Variants in DUXA observed in about 807,000 individuals in gnomAD.
DUXA encodes the protein double homeobox A, also known as double homeobox protein A.
In DUXA, 25 loss-of-function variants were observed where a neutral mutation model predicts 27.5. The observed-to-expected ratio is 0.91, with a 90% CI of 0.66 to 1.27. The LOEUF (loss-of-function observed/expected upper bound fraction) is 1.27, where lower values mean the gene tolerates loss of function less well. Ranked by LOEUF, DUXA falls within the 50% of genes most tolerant of loss-of-function variation. The pLI is 0.00. For missense variants in DUXA, 247 were observed against 242.9 expected (o/e 1.02, Z -0.11); for synonymous variants, 90 against 80.5 (o/e 1.12, Z -0.63).
chr19:57,163,849 C>T (rs1248296263), intron 1 of DUXA, among the ~76,000 whole-genome samples: 3 of 152,152 alleles, frequency 2.0e-5, no homozygotes, highest in East Asian at 1.9e-4. Flanking sequence ...AAGTTTCCAA[C>T]CCATTATCTT....
intron 2 of DUXA, among the ~76,000 whole-genome samples, chr19:57,159,579 A>T (rs1049958850): frequency 5.9e-5 from 9 of 151,704 alleles, no homozygotes; most frequent in African/African-American, 2.2e-4. Context: ...TGCCTGGCTA[A>T]TTTTTGTATT....
intron 1 of DUXA, among the ~76,000 whole-genome samples, chr19:57,162,714 A>G (rs2087030615): frequency 6.6e-6 from 1 of 152,134 alleles, no homozygotes; most frequent in South Asian, 2.1e-4. Flanking sequence ...AGCTGGGGTT[A>G]CAGGCACGTG....
chr19:57,159,665 G>A (rs1340441759), intron 2 of DUXA, among the ~76,000 whole-genome samples: 6 of 151,404 alleles, frequency 4.0e-5, no homozygotes, highest in African/African-American at 9.7e-5. Flanking sequence ...CACCCACCTC[G>A]GCTTCCCAAA....
Position 57,158,240 on chromosome 19 carries a change from G to A in DUXA, c.438+88C>T, listed in dbSNP as rs1050794826. 2.0e-6 allele frequency: 3 copies of A among 1,470,470 alleles called. No homozygotes were observed. The African/African-American group carries it at 4.2e-5, about 20-fold the overall frequency. 91.1% of individuals were successfully genotyped at this position (1,470,470 alleles called of 1,614,324 possible). ...AAAGACCCTGAAATGTGCCCAGCAT[G>A]ATGAGGAACTGCCTGAGGCCCATGT... On this transcript the variant is annotated intron_variant, in intron 4 of 5. Coordinates refer to ENST00000554048, the MANE Select transcript of DUXA (RefSeq NM_001012729.2).
chr19:57,159,220 G>A lies in DUXA; in HGVS notation c.239C>T (p.Thr80Ile). 1 of 1,614,186 alleles carries A rather than the reference G, an allele frequency of 6.2e-7. No homozygotes were observed. Among genetic ancestry groups the A allele is most frequent in the Non-Finnish European group, 8.5e-7 (1 of 1,180,036 alleles). The change falls in exon 3 of 6, where the codon ACT (threonine) becomes ATT (isoleucine). Residue 80 changes from threonine to isoleucine, a missense_variant. Coordinates refer to ENST00000554048, the MANE Select transcript of DUXA (RefSeq NM_001012729.2). ...CCCCTGGCTCTGGCTTGATTCTAAAGTCTCAGCTTCTGGTCTTTTCTGGAA... is the reference window on the plus strand; with the variant it reads ...CCCCTGGCTCTGGCTTGATTCTAAAATCTCAGCTTCTGGTCTTTTCTGGAA... ...HGFQKRPEAETLESSQSQGQD... is the reference protein window; with the variant it reads ...HGFQKRPEAEILESSQSQGQD...
rs772080364 is a variant in DUXA, at chr19:57,158,473, C to T, written c.293G>A (p.Ser98Asn). 30 of 1,611,432 alleles carry T rather than the reference C, an allele frequency of 1.9e-5. 1 individual carries two copies. Among genetic ancestry groups the T allele is most frequent in the Non-Finnish European group, 8.5e-7 (1 of 1,178,012 alleles). Residue 98 changes from serine to asparagine, a missense_variant and splice_region_variant, in exon 4 of 6, where the codon AGT (serine) becomes AAT (asparagine). Transcript: ENST00000554048. The part of the protein sequence containing the change: ...GQDQPGVEFQ[S>N]REARRCRTTY... ...GGTACGACACCGTCTGGCTTCTCTACCTAGGGAAGGCATGGAAAGATGGAG... is the reference window on the plus strand; with the variant it reads ...GGTACGACACCGTCTGGCTTCTCTATCTAGGGAAGGCATGGAAAGATGGAG...
At chr19:57,162,116 G>A (rs1479520357) in intron 1 of DUXA, among the ~76,000 whole-genome samples, 1 of 151,942 alleles carries the variant, frequency 6.6e-6, no homozygotes, top group Admixed American at 6.6e-5. Context: ...AAACTCCTGG[G>A]CTCAAAAGCG....
Position 57,159,342 on chromosome 19 carries a change from G to A in DUXA, c.181-64C>T, listed in dbSNP as rs552357567. On this transcript the variant is annotated intron_variant, in intron 2 of 5. Transcript: ENST00000554048. ...TGTCATTTAAGCTACATCACTGCCT[G>A]TTCCCAAAGTGAGCAATTCTTATTG... The A allele has an allele frequency of 2.0e-5, 28 of 1,428,272 alleles. No homozygotes were observed. In the South Asian group the frequency reaches 3.0e-4, roughly 15 times the overall value. 88.5% of individuals were successfully genotyped at this position (1,428,272 alleles called of 1,614,324 possible).
intron 4 of DUXA, among the ~76,000 whole-genome samples, chr19:57,156,402 A>G (rs1007068062): frequency 6.6e-6 from 1 of 152,140 alleles, no homozygotes; most frequent in African/African-American, 2.4e-5. Flanking sequence ...CTCACCTTCC[A>G]GCAGCTACTA....
Position 57,161,577 on chromosome 19 carries a change from T to C in DUXA, c.26-780A>G, listed in dbSNP as rs374399291. Among the ~76,000 whole-genome samples, 564 of 147,882 alleles carry C rather than the reference T, an allele frequency of 3.8e-3. 3 individuals are homozygous for C. The highest frequency in any genetic ancestry group is 0.015 in the Middle Eastern group (4 of 270). On this transcript the variant is annotated intron_variant, in intron 1 of 5. Transcript: ENST00000554048. ...GGCGGAGCTTGCAGTGAGCCGAGATTGCGCCACTGCACTCCAGCCTGGGTG... is the reference window on the plus strand; with the variant it reads ...GGCGGAGCTTGCAGTGAGCCGAGATCGCGCCACTGCACTCCAGCCTGGGTG...
intron 4 of DUXA, among the ~76,000 whole-genome samples, chr19:57,155,674 T>TAGATAGATAGATAGATAGATAGATA (rs887562063): frequency 1.3e-5 from 2 of 151,678 alleles, no homozygotes; most frequent in African/African-American, 4.8e-5. Context: ...GATAGATAGA[T>TAGATAGATAGATAGATAGATAGATA]ACTTTTTTTT....
chr19:57,161,354 T>A (rs913855082), intron 1 of DUXA, among the ~76,000 whole-genome samples: 2 of 100,346 alleles, frequency 2.0e-5, no homozygotes, highest in African/African-American at 8.5e-5. Context: ...CTGGGCGCGG[T>A]GGCTCACACC....
chr19:57,155,295 CTCT>C lies in DUXA; in HGVS notation c.513_515del (p.Glu172del), dbSNP rs766150468. The C allele has an allele frequency of 1.9e-5, 31 of 1,614,080 alleles. No individual in the cohort carries two copies. The highest frequency in any genetic ancestry group is 2.5e-5 in the Non-Finnish European group (30 of 1,180,040). ...GCAGTCCCTCAGGAATCTTGCCCTG[CTCT>C]TCTTGTTCTAAGGACGCCACAGGTT... On this transcript the variant is annotated inframe_deletion, in exon 5 of 6. Coordinates refer to ENST00000554048, the MANE Select transcript of DUXA (RefSeq NM_001012729.2).
Position 57,159,328 on chromosome 19 carries a change from C to G in DUXA, c.181-50G>C, listed in dbSNP as rs182547682. The G allele has an allele frequency of 1.0e-3, 1,543 of 1,525,652 alleles. 15 individuals are homozygous for G. In the African/African-American group the frequency reaches 0.019, roughly 19 times the overall value. The allele number at this position is 1,525,652 out of a possible 1,614,324, so 94.5% of individuals were successfully genotyped here. On this transcript the variant is annotated intron_variant, in intron 2 of 5. Coordinates refer to ENST00000554048, the MANE Select transcript of DUXA (RefSeq NM_001012729.2). ...GAATTACGTGTTAATGTCATTTAAG[C>G]TACATCACTGCCTGTTCCCAAAGTG... is the stretch of plus-strand genomic sequence containing the variant.
chr19:57,160,603 T>A (rs746723781), intron 2 of DUXA, 40 bp downstream of exon 2: 1 of 1,605,212 alleles, frequency 6.2e-7, no homozygotes, highest in South Asian at 1.1e-5. Context: ...CTCTCCTGCC[T>A]TTTTACTTCC....
chr19:57,165,126 A>C (rs2087044773), intron 1 of DUXA, among the ~76,000 whole-genome samples: 1 of 151,800 alleles, frequency 6.6e-6, no homozygotes, highest in Non-Finnish European at 1.5e-5. Context: ...CCCTAAAATA[A>C]ATCTTCTATT....
At chr19:57,165,324 A>AAAT (rs1491567041) in intron 1 of DUXA, among the ~76,000 whole-genome samples, 73 of 89,262 alleles carry the variant, frequency 8.2e-4, no homozygotes, top group African/African-American at 2.3e-3. Context: ...AAAAAAAAAA[A>AAAT]ATATATATAT....
chr19:57,154,236 C>T lies in DUXA; in HGVS notation c.*176G>A. 3.6e-6 allele frequency: 2 copies of T among 558,620 alleles called. No homozygotes were observed. Among genetic ancestry groups the T allele is most frequent in the South Asian group, 4.1e-5 (2 of 48,976 alleles). The allele number at this position is 558,620 out of a possible 1,614,324, so 34.6% of individuals were successfully genotyped here. A position where few individuals can be genotyped will look rare whatever the true frequency, so the allele number is the denominator to read the frequency against. Reference sequence around the variant, plus strand: ...CTCCTGAGCTCAAGCAATCTTCCTGCCTTGGCCTCCCAAAGTAGTGGGATT... The same window carrying T: ...CTCCTGAGCTCAAGCAATCTTCCTGTCTTGGCCTCCCAAAGTAGTGGGATT... On this transcript the variant is annotated 3_prime_UTR_variant, in exon 6 of 6. Coordinates refer to ENST00000554048, the MANE Select transcript of DUXA (RefSeq NM_001012729.2).
chr19:57,155,226 G>A, intron 5 of DUXA, 41 bp downstream of exon 5: 2 of 1,573,194 alleles, frequency 1.3e-6, no homozygotes, highest in Admixed American at 1.7e-5. Flanking sequence ...ACATCCAAGG[G>A]CTCCGCTTGT....
Sources: gnomAD v4.1 joint callset for allele counts (sites outside exome capture counted in the v4.1 genomes callset) on GRCh38, gnomAD v4.1.1 for gene constraint, MANE v1.5 for transcripts, NCBI Gene and HGNC (gene_info 2026-07-23, HGNC 2026-07-21) for gene names.